The following R3HDM1 variants were observed in gnomAD, a reference collection of about 807,000 sequenced individuals.
R3HDM1 encodes the protein R3H domain-containing protein 1.
A neutral mutation model predicts 141.1 loss-of-function variants in R3HDM1; 46 were observed. That is an observed-to-expected ratio of 0.33 (90% CI 0.26 to 0.42). R3HDM1 has a LOEUF of 0.42. R3HDM1 is among the 10% of genes least tolerant of loss of function. The pLI, the probability that R3HDM1 is intolerant of heterozygous loss-of-function variation, is 1.00. For synonymous variants in R3HDM1, 435 were observed against 472.9 expected (o/e 0.92, Z 1.04); for missense variants, 1,184 against 1,368.3 (o/e 0.87, Z 2.12).
chr2:135,702,013 C>T (rs2074258662), intron 21 of R3HDM1, among the ~76,000 whole-genome samples: 1 of 152,102 alleles, frequency 6.6e-6, no homozygotes, highest in Non-Finnish European at 1.5e-5. Flanking sequence ...GTGCAACCAT[C>T]ACCGTGGTCA....
intron 14 of R3HDM1, among the ~76,000 whole-genome samples, chr2:135,640,283 G>A (rs574824237): frequency 5.3e-5 from 8 of 152,272 alleles, no homozygotes; most frequent in African/African-American, 1.7e-4. Flanking sequence ...TAATATGGTT[G>A]TATTGAAAAT....
At chr2:135,598,742 C>T (rs2059392461) in intron 1 of R3HDM1, among the ~76,000 whole-genome samples, 1 of 152,088 alleles carries the variant, frequency 6.6e-6, no homozygotes, top group South Asian at 2.1e-4. Flanking sequence ...ACCACAGGGC[C>T]AGGCACATGG....
intron 17 of R3HDM1, chr2:135,651,179 C>T: frequency 1.0e-6 from 1 of 984,912 alleles, no homozygotes; most frequent in Non-Finnish European, 1.2e-6. Context: ...AATGTATGGC[C>T]AAATTATTTT....
chr2:135,661,243 T>C (rs758424085), intron 18 of R3HDM1, 27 bp from the exon 19 acceptor site: 9 of 1,612,728 alleles, frequency 5.6e-6, no homozygotes, highest in Non-Finnish European at 7.6e-6. Context: ...TAAAATTGAT[T>C]TTTTCCCGCA....
At chr2:135,568,603 G>C (rs1252684565) in intron 1 of R3HDM1, among the ~76,000 whole-genome samples, 1 of 152,112 alleles carries the variant, frequency 6.6e-6, no homozygotes, top group African/African-American at 2.4e-5. Context: ...ACCCGCCTTG[G>C]CCTCCCAAAG....
At chr2:135,557,577 A>G (rs1374648569) in intron 1 of R3HDM1, among the ~76,000 whole-genome samples, 1 of 152,186 alleles carries the variant, frequency 6.6e-6, no homozygotes, top group African/African-American at 2.4e-5. Flanking sequence ...TGCCAGGAAA[A>G]ATTGGTTACT....
chr2:135,684,921 C>G (rs2071074363), intron 21 of R3HDM1, among the ~76,000 whole-genome samples: 1 of 152,046 alleles, frequency 6.6e-6, no homozygotes, highest in South Asian at 2.1e-4. Context: ...CACCACCACA[C>G]TCAGCTAATT....
chr2:135,665,675 C>T (rs1553611217), intron 19 of R3HDM1, among the ~76,000 whole-genome samples: 1 of 152,134 alleles, frequency 6.6e-6, no homozygotes. Context: ...AAAGCTATTG[C>T]TTATTTCTTT....
At position 135,699,033 on chromosome 2, in the gene R3HDM1, A is replaced by ATT. The variant is rs1559465892; in HGVS notation, c.2460-10400_2460-10399insTT. On this transcript the variant is annotated intron_variant, in intron 21 of 26. Transcript: ENST00000683871. ...TAGATAGATAGATAGATAGATAGATAGATAGATAGATAAGATAGATAAGAT... is the reference window on the plus strand; with the variant it reads ...TAGATAGATAGATAGATAGATAGATATTGATAGATAGATAAGATAGATAAGAT... 2.0e-3 allele frequency among the ~76,000 whole-genome samples: 177 copies of ATT among 86,366 alleles called. 3 individuals are homozygous for ATT. The highest frequency in any genetic ancestry group is 7.3e-3 in the African/African-American group (172 of 23,582). 56.7% of individuals were successfully genotyped at this position (86,366 alleles called of 152,430 possible). A position where few individuals can be genotyped will look rare whatever the true frequency, so the allele number is the denominator to read the frequency against.
At chr2:135,661,534 A>G (rs1275376565) in intron 19 of R3HDM1, 141 bp downstream of exon 19, 1 of 1,087,772 alleles carries the variant, frequency 9.2e-7, no homozygotes, top group Non-Finnish European at 1.3e-6. Context: ...AACCAATGAG[A>G]TTAAAAGAGT....
chr2:135,566,263 T>G (rs925144322), intron 1 of R3HDM1, among the ~76,000 whole-genome samples: 4 of 152,012 alleles, frequency 2.6e-5, no homozygotes, highest in Non-Finnish European at 5.9e-5. Flanking sequence ...AGGCTAGGGG[T>G]TTTGAGGGGG....
At chr2:135,690,716 T>TG (rs2072231883) in intron 21 of R3HDM1, among the ~76,000 whole-genome samples, 3 of 104,820 alleles carry the variant, frequency 2.9e-5, no homozygotes, top group African/African-American at 1.4e-4. Flanking sequence ...AAAGAGGTTT[T>TG]TTTTGTTTGT....
At chr2:135,556,781 G>T (rs956243120) in intron 1 of R3HDM1, among the ~76,000 whole-genome samples, 2 of 151,952 alleles carry the variant, frequency 1.3e-5, no homozygotes, top group African/African-American at 2.4e-5. Context: ...GCCTCCCAAA[G>T]TGCTGGGATT....
At chr2:135,617,658 C>T (rs553929315) in intron 5 of R3HDM1, among the ~76,000 whole-genome samples, 36 of 152,192 alleles carry the variant, frequency 2.4e-4, no homozygotes, top group Non-Finnish European at 4.1e-4. Flanking sequence ...TTAATCTCAG[C>T]TATGGGTTGA....
At chr2:135,706,872 C>T (rs1456841316) in intron 21 of R3HDM1, among the ~76,000 whole-genome samples, 1 of 152,154 alleles carries the variant, frequency 6.6e-6, no homozygotes, top group African/African-American at 2.4e-5. Context: ...CATCATGGCC[C>T]GTTCTCAATG....
Position 135,714,776 on chromosome 2 carries a change from C to CAA in R3HDM1, c.2737-773_2737-772insAA, listed in dbSNP as rs937450977. Among the ~76,000 whole-genome samples the CAA allele has an allele frequency of 7.2e-5, 11 of 151,782 alleles. No homozygotes were observed. The East Asian group carries it at 1.5e-3, about 21-fold the overall frequency. ...ATATATGGGTGTATACACACACACA[C>CAA]ACACACACACACACAGAGAAAGCAG... On this transcript the variant is annotated intron_variant, in intron 23 of 26. Transcript: ENST00000683871.
chr2:135,703,337 G>T (rs1429981249), intron 21 of R3HDM1, among the ~76,000 whole-genome samples: 2 of 152,162 alleles, frequency 1.3e-5, no homozygotes, highest in Non-Finnish European at 2.9e-5. Context: ...AGTAAAACAT[G>T]AAGTATGTTT....
At chr2:135,679,418 A>G (rs1247814741) in intron 20 of R3HDM1, among the ~76,000 whole-genome samples, 1 of 152,152 alleles carries the variant, frequency 6.6e-6, no homozygotes, top group Non-Finnish European at 1.5e-5. Flanking sequence ...GAAGCTAAGG[A>G]GCCTCAGAAT....
intron 6 of R3HDM1, 125 bp from the exon 7 acceptor site, chr2:135,622,529 T>G: frequency 1.5e-6 from 2 of 1,343,714 alleles, no homozygotes; most frequent in Non-Finnish European, 1.9e-6. Context: ...TTTTCCTACT[T>G]TGTCGAATTT....
Sources: allele counts gnomAD v4.1 joint callset (sites outside exome capture counted in the v4.1 genomes callset), GRCh38; gene constraint gnomAD v4.1.1; transcripts MANE v1.5; gene names NCBI Gene and HGNC (gene_info 2026-07-23, HGNC 2026-07-21).